The following NPHS2 variants were observed in gnomAD, a reference collection of about 807,000 sequenced individuals.
NPHS2 encodes the protein podocin.
NPHS2 carries 36 observed loss-of-function variants against 37.1 expected under a neutral mutation model. That is an observed-to-expected ratio of 0.97 (90% CI 0.74 to 1.28). The LOEUF is 1.28. Among genes scored for constraint, NPHS2 ranks in the 50% most tolerant of loss-of-function variants. NPHS2 has a pLI of 0.00. For synonymous variants in NPHS2, 196 were observed against 189.3 expected (o/e 1.04, Z -0.29); for missense variants, 447 against 488.1 (o/e 0.92, Z 0.79).
chr1:179,575,853 C>T lies in NPHS2; in HGVS notation c.12G>A (p.Arg4=), dbSNP rs1253873989. ...GGGACTCCCTGGAGGAGCTCCGCGCCCTCCTCTCCATCCTCAGAGCTGCCG... is the reference window on the plus strand; with the variant it reads ...GGGACTCCCTGGAGGAGCTCCGCGCTCTCCTCTCCATCCTCAGAGCTGCCG... MER[R]ARSSSRESRG... is the part of the protein sequence containing the mutation. Residue 4 remains arginine (R), a synonymous_variant, in exon 1 of 8, where the codon AGG becomes AGA. Transcript: ENST00000367615. 1 of 1,424,374 alleles carries T rather than the reference C, an allele frequency of 7.0e-7. No homozygotes were observed. Among genetic ancestry groups the T allele is most frequent in the Non-Finnish European group, 9.1e-7 (1 of 1,098,048 alleles). 88.2% of individuals were successfully genotyped at this position (1,424,374 alleles called of 1,614,324 possible).
chr1:179,553,912 A>ATTTTTT (rs11422639), intron 6 of NPHS2, among the ~76,000 whole-genome samples: 1 of 131,876 alleles, frequency 7.6e-6, no homozygotes, highest in Non-Finnish European at 1.6e-5. Flanking sequence ...CCCCTGGCTA[A>ATTTTTT]TTTTTTTTTT....
At chr1:179,569,123 A>G (rs940620934) in intron 1 of NPHS2, among the ~76,000 whole-genome samples, 3 of 152,094 alleles carry the variant, frequency 2.0e-5, no homozygotes, top group Non-Finnish European at 2.9e-5. Context: ...TTTCTGTGTC[A>G]TTGATCTGTC....
intron 1 of NPHS2, among the ~76,000 whole-genome samples, chr1:179,569,165 A>G (rs1674449603): frequency 6.6e-6 from 1 of 152,086 alleles, no homozygotes; most frequent in African/African-American, 2.4e-5. Context: ...AAATTTTCCC[A>G]TTATTATTGC....
At chr1:179,566,916 T>A (rs1305262786) in intron 1 of NPHS2, among the ~76,000 whole-genome samples, 1 of 152,228 alleles carries the variant, frequency 6.6e-6, no homozygotes, top group Non-Finnish European at 1.5e-5. Context: ...TCTGTTCCAT[T>A]GGTCTATACC....
At chr1:179,552,806 G>A (rs1673511152) in intron 6 of NPHS2, 125 bp from the exon 7 acceptor site, 1 of 748,716 alleles carries the variant, frequency 1.3e-6, no homozygotes, top group East Asian at 2.7e-5. Flanking sequence ...AGTGACCAGA[G>A]TGTGCCATTC....
intron 1 of NPHS2, among the ~76,000 whole-genome samples, chr1:179,570,121 A>G (rs1351847399): frequency 6.6e-6 from 1 of 152,168 alleles, no homozygotes; most frequent in Non-Finnish European, 1.5e-5. Context: ...TCTCCTGGAT[A>G]ATATCCTGAA....
intron 1 of NPHS2, among the ~76,000 whole-genome samples, chr1:179,566,559 T>G (rs951128077): frequency 2.6e-5 from 4 of 152,266 alleles, no homozygotes; most frequent in African/African-American, 7.2e-5. Context: ...GCAGAAGCTC[T>G]TTAGTTTAAT....
Position 179,554,480 on chromosome 1 carries a change from C to G in NPHS2, c.790G>C (p.Glu264Gln), listed in dbSNP as rs369697947. 382 of 1,614,014 alleles carry G rather than the reference C, an allele frequency of 2.4e-4. No homozygotes were observed. Among genetic ancestry groups the G allele is most frequent in the Admixed American group, 6.3e-4 (38 of 60,000 alleles). ...GCTAGTTAATTTCCTACCCACATTT[C>G]TATTCTCTCCACTTTGATTCCCCAA... ...CIWGIKVERI[E>Q]IKDVRLPAGL... Residue 264 changes from glutamate (E) to glutamine (Q), a missense_variant, in exon 6 of 8, where the codon GAA becomes CAA. Coordinates refer to ENST00000367615, the MANE Select transcript of NPHS2 (RefSeq NM_014625.4).
At chr1:179,552,538 G>T (rs1673439075) in intron 7 of NPHS2, 65 bp downstream of exon 7, 4 of 1,267,684 alleles carry the variant, frequency 3.2e-6, no homozygotes, top group Non-Finnish European at 4.6e-6. Flanking sequence ...GGAAGCAAAG[G>T]GGAAATGTTC....
At chr1:179,551,540 G>A (rs1218272484) in intron 7 of NPHS2, 89 bp from the exon 8 acceptor site, 2 of 1,479,126 alleles carry the variant, frequency 1.4e-6, no homozygotes, top group African/African-American at 1.4e-5. Flanking sequence ...GACAAGCACT[G>A]AGCATCTACT....
In NPHS2 at chr1:179,557,225, C is replaced by A; in HGVS notation, c.540G>T (p.Val180=). Residue 180 remains valine, a synonymous_variant, in exon 5 of 8, where the codon GTG becomes GTT. Coordinates refer to ENST00000367615, the MANE Select transcript of NPHS2 (RefSeq NM_014625.4). ...TCTCCATTATAAACATGTCTTTGGT[C>A]ACGATCTAGGCAGAAAAAAGTTTGG... ...QTLEIPFHEI[V]TKDMFIMEID... The A allele has an allele frequency of 1.9e-6, 3 of 1,613,814 alleles. No individual in the cohort carries two copies. The South Asian group carries it at 3.3e-5, about 18-fold the overall frequency.
At chr1:179,574,350 C>A (rs902215236) in intron 1 of NPHS2, among the ~76,000 whole-genome samples, 1 of 152,166 alleles carries the variant, frequency 6.6e-6, no homozygotes, top group African/African-American at 2.4e-5. Context: ...GAGCATGTTT[C>A]CTCATCTGTG....
At chr1:179,570,184 T>G (rs750410459) in intron 1 of NPHS2, among the ~76,000 whole-genome samples, 29 of 151,780 alleles carry the variant, frequency 1.9e-4, no homozygotes, top group Non-Finnish European at 4.0e-4. Flanking sequence ...TACACAAATC[T>G]GCCAAGACCA....
In NPHS2 at chr1:179,575,878, G is replaced by T; in HGVS notation, c.-14C>A. On this transcript the variant is annotated 5_prime_UTR_variant, in exon 1 of 8. Coordinates refer to ENST00000367615, the MANE Select transcript of NPHS2 (RefSeq NM_014625.4). Reference sequence around the variant, plus strand: ...CCTCCTCTCCATCCTCAGAGCTGCCGGGCGGCTGGAGCAGCAGCGCGGGAG... The same window carrying T: ...CCTCCTCTCCATCCTCAGAGCTGCCTGGCGGCTGGAGCAGCAGCGCGGGAG... 1.0e-5 allele frequency: 14 copies of T among 1,395,672 alleles called. No homozygotes were observed. The highest frequency in any genetic ancestry group is 1.3e-5 in the Non-Finnish European group (14 of 1,083,334). The allele number at this position is 1,395,672 out of a possible 1,614,324, so 86.5% of individuals were successfully genotyped here.
At chr1:179,560,098 T>C (rs1240132307) in intron 3 of NPHS2, among the ~76,000 whole-genome samples, 1 of 152,182 alleles carries the variant, frequency 6.6e-6, no homozygotes, top group Non-Finnish European at 1.5e-5. Flanking sequence ...ATTGTTAGCC[T>C]TAGTGTCTGA....
chr1:179,556,901 A>G lies in NPHS2; in HGVS notation c.738+126T>C. On this transcript the variant is annotated intron_variant, in intron 5 of 7. Coordinates refer to ENST00000367615, the MANE Select transcript of NPHS2 (RefSeq NM_014625.4). This position sits in a 1 kb window ranked among gnomAD's most constrained non-coding sequence, Gnocchi z 4.1. ...CAATTTGGCAACCTCCTAACTAGCT[A>G]TGAGCTCCCAAAGGGATGGCCCCTA... The G allele has an allele frequency of 2.3e-6, 2 of 885,440 alleles. No homozygotes were observed. The highest frequency in any genetic ancestry group is 2.6e-5 in the East Asian group (1 of 37,814). 54.8% of individuals were successfully genotyped at this position (885,440 alleles called of 1,614,324 possible).
chr1:179,559,404 G>T (rs1277505451), intron 4 of NPHS2, among the ~76,000 whole-genome samples: 1 of 152,060 alleles, frequency 6.6e-6, no homozygotes, highest in African/African-American at 2.4e-5. Context: ...TTAAAATCAG[G>T]TTGTTTACTT....
At chr1:179,570,495 T>C (rs183684517) in intron 1 of NPHS2, among the ~76,000 whole-genome samples, 186 of 152,350 alleles carry the variant, frequency 1.2e-3, no homozygotes, top group African/African-American at 4.3e-3. Flanking sequence ...GCTCATGCTA[T>C]TGTTTGTGGC....
chr1:179,557,473 A>T (rs1028439296), intron 4 of NPHS2, among the ~76,000 whole-genome samples: 1 of 152,224 alleles, frequency 6.6e-6, no homozygotes, highest in African/African-American at 2.4e-5. Flanking sequence ...TAATTTTCTC[A>T]TAAGAAGACA....
Sources: gnomAD v4.1 joint callset for allele counts (sites outside exome capture counted in the v4.1 genomes callset) on GRCh38, gnomAD v4.1.1 for gene constraint, Gnocchi (gnomAD v3.1) non-coding constraint, MANE v1.5 for transcripts, NCBI Gene and HGNC (gene_info 2026-07-23, HGNC 2026-07-21) for gene names.